The following PPP5C variants were observed in gnomAD, a reference collection of about 807,000 sequenced individuals.
PPP5C encodes the protein protein phosphatase 5 catalytic subunit, also known as serine/threonine-protein phosphatase 5.
A neutral mutation model predicts 66.7 loss-of-function variants in PPP5C; 21 were observed. That is an observed-to-expected ratio of 0.31 (90% CI 0.22 to 0.45). The LOEUF (loss-of-function observed/expected upper bound fraction) is 0.45. Ranked by LOEUF, PPP5C falls within the 20% of genes least tolerant of loss-of-function variation. PPP5C has a pLI of 1.00. For synonymous variants in PPP5C, 246 were observed against 257.4 expected, an observed-to-expected ratio of 0.96 and a Z score of 0.43; for missense variants, 464 against 675.9, an observed-to-expected ratio of 0.69 and a Z score of 3.48.
At chr19:46,351,275 T>C (rs142564468) in intron 1 of PPP5C, among the ~76,000 whole-genome samples, 1 of 152,190 alleles carries the variant, frequency 6.6e-6, no homozygotes, top group African/African-American at 2.4e-5. Flanking sequence ...GGGGAATGTC[T>C]TGAGGCTTAA....
At position 46,390,286 on chromosome 19, in the gene PPP5C, T is replaced by A; in HGVS notation, c.1440T>A (p.Pro480=). The A allele has an allele frequency of 6.3e-7, 1 of 1,593,068 alleles. No homozygotes were observed. The highest frequency in any genetic ancestry group is 2.3e-5 in the East Asian group (1 of 43,816). The change falls in exon 13 of 13, where the codon CCT becomes CCA. Residue 480 remains proline, a splice_region_variant and synonymous_variant. Transcript: ENST00000012443. ...TCCCACCTGCCCTGGTCCCACAGCC[T>A]CATCCCAACGTCAAGCCCATGGCCT... The part of the protein sequence containing the change: ...RPQFHQFTAV[P]HPNVKPMAYA...
chr19:46,387,596 C>T lies in PPP5C; in HGVS notation c.1135+143C>T, dbSNP rs114980643. On this transcript the variant is annotated intron_variant, in intron 9 of 12. Transcript: ENST00000012443. ...GTCTGAGCCTCAGTTTCCTCACCTGCGACTTGGGCCAGTGCACCTCCTTCA... is the reference window on the plus strand; with the variant it reads ...GTCTGAGCCTCAGTTTCCTCACCTGTGACTTGGGCCAGTGCACCTCCTTCA... 9.2e-4 allele frequency: 1,418 copies of T among 1,546,222 alleles called. 8 individuals are homozygous for T. The African/African-American group carries it at 0.017, about 19-fold the overall frequency.
At chr19:46,356,502 G>A (rs758607070) in intron 2 of PPP5C, among the ~76,000 whole-genome samples, 1 of 152,194 alleles carries the variant, frequency 6.6e-6, no homozygotes, top group Non-Finnish European at 1.5e-5. Flanking sequence ...TTTCCTCAGC[G>A]GTCTGCTCAC....
chr19:46,388,477 C>T lies in PPP5C; in HGVS notation c.1176+29C>T, dbSNP rs781071264. On this transcript the variant is annotated intron_variant, in intron 10 of 12. Coordinates refer to ENST00000012443, the MANE Select transcript of PPP5C (RefSeq NM_006247.4). The surrounding 1 kb of genome is among the most constrained non-coding windows in gnomAD (Gnocchi z 4.9). ...AGTCTAGGGTGGGGTGCAGGGCCGGCGGGTGTGGGCTGTGGCAGCAGGTGG... is the reference window on the plus strand; with the variant it reads ...AGTCTAGGGTGGGGTGCAGGGCCGGTGGGTGTGGGCTGTGGCAGCAGGTGG... 1.1e-5 allele frequency: 17 copies of T among 1,609,804 alleles called. No individual in the cohort carries two copies. The highest frequency in any genetic ancestry group is 7.7e-5 in the South Asian group (7 of 90,818).
Position 46,384,916 on chromosome 19 carries a change from T to C in PPP5C, c.904+7T>C, listed in dbSNP as rs1415448959. 6.2e-7 allele frequency: 1 copy of C among 1,605,928 alleles called. No individual in the cohort carries two copies. The highest frequency in any genetic ancestry group is 8.5e-7 in the Non-Finnish European group (1 of 1,172,540). On this transcript the variant is annotated splice_region_variant and intron_variant, in intron 7 of 12. Coordinates refer to ENST00000012443, the MANE Select transcript of PPP5C (RefSeq NM_006247.4). The stretch of plus-strand genomic sequence containing the variant: ...CACTTTCACCTCCTTCGAGGTGAGC[T>C]GGGAAGTGACAAGGTTTGGGTTCAT...
In PPP5C at chr19:46,387,205, G is replaced by A. The variant is rs141948909; in HGVS notation, c.1017G>A (p.Pro339=). The change falls in exon 8 of 13, where the codon CCG becomes CCA. Residue 339 remains proline, a synonymous_variant. Coordinates refer to ENST00000012443, the MANE Select transcript of PPP5C (RefSeq NM_006247.4). The part of the protein sequence containing the change: ...ELFSEVFEWL[P]LAQCINGKVL... The stretch of plus-strand genomic sequence containing the variant: ...TTAGCGAGGTGTTCGAGTGGCTCCC[G>A]TTGGCCCAGTGCATCAACGGCAAAG... 7.9e-5 allele frequency: 127 copies of A among 1,614,110 alleles called. 1 individual carries two copies. The highest frequency in any genetic ancestry group is 1.0e-4 in the Non-Finnish European group (120 of 1,180,046).
chr19:46,365,663 G>GACTCCCTTTA (rs1307141763), intron 2 of PPP5C, among the ~76,000 whole-genome samples: 3 of 152,072 alleles, frequency 2.0e-5, no homozygotes, highest in Admixed American at 2.0e-4. Flanking sequence ...TTCCTAATGG[G>GACTCCCTTTA]AGGCCCTTTA....
Position 46,376,446 on chromosome 19 carries a change from A to G in PPP5C, c.512-7A>G, listed in dbSNP as rs368902866. 2 of 1,613,016 alleles carry G rather than the reference A, an allele frequency of 1.2e-6. No individual in the cohort carries two copies. The highest frequency in any genetic ancestry group is 8.5e-7 in the Non-Finnish European group (1 of 1,179,410). On this transcript the variant is annotated splice_polypyrimidine_tract_variant and splice_region_variant and intron_variant, in intron 3 of 12. Coordinates refer to ENST00000012443, the MANE Select transcript of PPP5C (RefSeq NM_006247.4). This position sits in a 1 kb window ranked among gnomAD's most constrained non-coding sequence, Gnocchi z 5.1. The stretch of plus-strand genomic sequence containing the variant: ...CTGACTCTCGTGTCCCGTTGTTCAC[A>G]CCCTAGCCATTGAGGATGAGTACAG...
chr19:46,390,448 A>T lies in PPP5C; in HGVS notation c.*102A>T, dbSNP rs1305603810. On this transcript the variant is annotated 3_prime_UTR_variant, in exon 13 of 13. Transcript: ENST00000012443. ...AGGCCCCGCCCCAGGGCAATGTTGG[A>T]CCCCCTTTTACTTTGTAAAGTTTGT... The T allele has an allele frequency of 6.5e-7, 1 of 1,528,330 alleles. No homozygotes were observed. Among genetic ancestry groups the T allele is most frequent in the African/African-American group, 1.4e-5 (1 of 72,322 alleles). The allele number at this position is 1,528,330 out of a possible 1,614,324, so 94.7% of individuals were successfully genotyped here.
intron 2 of PPP5C, among the ~76,000 whole-genome samples, chr19:46,362,095 T>C (rs985118346): frequency 5.9e-5 from 9 of 152,346 alleles, no homozygotes; most frequent in East Asian, 5.8e-4. Flanking sequence ...CTCTGTCTTG[T>C]GTATAACCTT....
At chr19:46,355,343 C>T (rs887602133) in intron 2 of PPP5C, among the ~76,000 whole-genome samples, 1 of 152,138 alleles carries the variant, frequency 6.6e-6, no homozygotes, top group East Asian at 1.9e-4. Context: ...CTGCTTGTGT[C>T]GTGTAGGGAG....
chr19:46,356,580 G>A (rs1972291224), intron 2 of PPP5C, among the ~76,000 whole-genome samples: 1 of 152,360 alleles, frequency 6.6e-6, no homozygotes, highest in Non-Finnish European at 1.5e-5. Context: ...CTGAGGCCTA[G>A]AGAGGAGATG....
At chr19:46,363,156 C>A (rs62136105) in intron 2 of PPP5C, among the ~76,000 whole-genome samples, 137,959 of 141,772 alleles carry the variant, frequency 0.97, 67,146 homozygotes, top group East Asian at 1. Context: ...AAAATACAAA[C>A]AATTAGCTGG....
At chr19:46,381,225 A>G (rs1367362431) in intron 4 of PPP5C, among the ~76,000 whole-genome samples, 3 of 151,668 alleles carry the variant, frequency 2.0e-5, no homozygotes, top group Non-Finnish European at 4.4e-5. Flanking sequence ...TAGACTTTTC[A>G]TCTCTGTGTC....
chr19:46,386,965 G>T, intron 7 of PPP5C, 128 bp from the exon 8 acceptor site: 3 of 1,332,450 alleles, frequency 2.3e-6, no homozygotes, highest in East Asian at 2.4e-5. Context: ...GGAAGGCACC[G>T]CAGTGGCAAG....
At chr19:46,363,395 G>A (rs1451960488) in intron 2 of PPP5C, among the ~76,000 whole-genome samples, 1 of 144,466 alleles carries the variant, frequency 6.9e-6, no homozygotes, top group African/African-American at 2.6e-5. Context: ...GATTTACTCA[G>A]GTCATGTGAA....
intron 2 of PPP5C, among the ~76,000 whole-genome samples, chr19:46,358,989 A>G (rs1420351736): frequency 6.6e-6 from 1 of 152,164 alleles, no homozygotes; most frequent in Non-Finnish European, 1.5e-5. Flanking sequence ...AATCATTTAA[A>G]GGGGGTTTGC....
chr19:46,353,837 G>A lies in PPP5C; in HGVS notation c.211G>A (p.Ala71Thr), dbSNP rs866767367. The A allele has an allele frequency of 6.2e-7, 1 of 1,612,220 alleles. No individual in the cohort carries two copies. Among genetic ancestry groups the A allele is most frequent in the South Asian group, 1.1e-5 (1 of 90,688 alleles). ...CATCTACTATGGCAACCGCAGCCTG[G>A]CCTACCTGCGCACTGAGTGCTATGG... The part of the protein sequence containing the change: ...NAIYYGNRSL[A>T]YLRTECYGYA... Residue 71 changes from alanine (A) to threonine (T), a missense_variant, in exon 2 of 13, where the codon GCC becomes ACC. Ala to Thr is a moderately conservative substitution (Grantham distance 58). Transcript: ENST00000012443.
At chr19:46,370,666 A>C (rs1249628179) in intron 2 of PPP5C, among the ~76,000 whole-genome samples, 1 of 152,074 alleles carries the variant, frequency 6.6e-6, no homozygotes. Context: ...CAGTGTGTTT[A>C]TCTTCTGGGA....
Sources: allele counts gnomAD v4.1 joint callset (sites outside exome capture counted in the v4.1 genomes callset), GRCh38; gene constraint gnomAD v4.1.1; non-coding constraint Gnocchi (gnomAD v3.1); transcripts MANE v1.5; gene names NCBI Gene and HGNC (gene_info 2026-07-23, HGNC 2026-07-21).